Variants in RAB8A observed in about 807,000 individuals in gnomAD.
RAB8A encodes the protein RAB8A, member RAS oncogene family, also known as ras-related protein Rab-8A.
In RAB8A, 5 loss-of-function variants were observed where a neutral mutation model predicts 29.2. That is an observed-to-expected ratio of 0.17 (90% CI 0.09 to 0.36). The LOEUF (loss-of-function observed/expected upper bound fraction) is 0.36, where lower values mean the gene tolerates loss of function less well. Ranked by LOEUF, RAB8A falls within the 10% of genes least tolerant of loss-of-function variation. The pLI, the probability that RAB8A is intolerant of heterozygous loss-of-function variation, is 1.00. For missense variants in RAB8A, 171 were observed against 272.2 expected (o/e 0.63, Z 2.62); for synonymous variants, 108 against 99.9 (o/e 1.08, Z -0.49).
In RAB8A at chr19:16,134,121, GA is replaced by G; in HGVS notation, c.*1821del. On this transcript the variant is annotated 3_prime_UTR_variant, in exon 8 of 8. Coordinates refer to ENST00000300935, the MANE Select transcript of RAB8A (RefSeq NM_005370.5). ...AAGATCACAGCAAAATCAGCAAAGG[GA>G]AAAGGCATGCAGAGTGAAGTCCAGA... 2 of 152,522 alleles carry G rather than the reference GA, an allele frequency of 1.3e-5. No homozygotes were observed. Among genetic ancestry groups the G allele is most frequent in the Non-Finnish European group, 2.9e-5 (2 of 68,180 alleles). 9.4% of individuals were successfully genotyped at this position (152,522 alleles called of 1,614,324 possible).
intron 2 of RAB8A, 33 bp downstream of exon 2, chr19:16,118,319 C>T (rs1352965365): frequency 3.1e-6 from 5 of 1,590,606 alleles, no homozygotes; most frequent in South Asian, 2.2e-5. Flanking sequence ...ATTCTCTCCA[C>T]CTGGCAATGG....
Position 16,127,869 on chromosome 19 carries a change from T to C in RAB8A, c.415-157T>C. 1.3e-6 allele frequency: 1 copy of C among 746,186 alleles called. No individual in the cohort carries two copies. Among genetic ancestry groups the C allele is most frequent in the Non-Finnish European group, 2.3e-6 (1 of 430,792 alleles). The allele number at this position is 746,186 out of a possible 1,614,324, so 46.2% of individuals were successfully genotyped here. On this transcript the variant is annotated intron_variant, in intron 5 of 7. Coordinates refer to ENST00000300935, the MANE Select transcript of RAB8A (RefSeq NM_005370.5). The surrounding 1 kb of genome is among the most constrained non-coding windows in gnomAD (Gnocchi z 4.8). ...TGAGGCCCTGTGGAGGGGCATTCAC[T>C]ATAGAATTGAGGGAGTGATCCAGGA...
intron 1 of RAB8A, among the ~76,000 whole-genome samples, chr19:16,117,069 A>G (rs1336703043): frequency 6.6e-6 from 1 of 152,164 alleles, no homozygotes; most frequent in Non-Finnish European, 1.5e-5. Context: ...TCCTGTCTTC[A>G]AGGTTCATCC....
At chr19:16,116,289 G>C (rs541349027) in intron 1 of RAB8A, among the ~76,000 whole-genome samples, 2 of 152,308 alleles carry the variant, frequency 1.3e-5, no homozygotes, top group East Asian at 3.9e-4. Flanking sequence ...GAGCCAGAGT[G>C]CTGAGAGGTG....
chr19:16,132,436 C>T lies in RAB8A; in HGVS notation c.*132C>T. On this transcript the variant is annotated 3_prime_UTR_variant, in exon 8 of 8. Coordinates refer to ENST00000300935, the MANE Select transcript of RAB8A (RefSeq NM_005370.5). This position sits in a 1 kb window ranked among gnomAD's most constrained non-coding sequence, Gnocchi z 5.6. ...CCGCGGCCACCGGGCCCACGGCCAC[C>T]AGAATGCAATTGAGAAATCGTTTAT... The T allele has an allele frequency of 1.4e-6, 1 of 733,156 alleles. No individual in the cohort carries two copies. The highest frequency in any genetic ancestry group is 2.3e-6 in the Non-Finnish European group (1 of 443,090). 45.4% of individuals were successfully genotyped at this position (733,156 alleles called of 1,614,324 possible). A position where few individuals can be genotyped will look rare whatever the true frequency, so the allele number is the denominator to read the frequency against.
Position 16,132,085 on chromosome 19 carries a change from G to T in RAB8A, c.532-127G>T, listed in dbSNP as rs533221497. On this transcript the variant is annotated intron_variant, in intron 7 of 7. Transcript: ENST00000300935. This position sits in a 1 kb window ranked among gnomAD's most constrained non-coding sequence, Gnocchi z 5.6. Reference sequence around the variant, plus strand: ...TTTGATTGGTTTGGTTGTTTGGTTGGTTGGTTGGTTGGTTGGTTGGATGGT... The same window carrying T: ...TTTGATTGGTTTGGTTGTTTGGTTGTTTGGTTGGTTGGTTGGTTGGATGGT... The T allele has an allele frequency of 2.7e-6, 2 of 739,558 alleles. No individual in the cohort carries two copies. The highest frequency in any genetic ancestry group is 1.7e-5 in the South Asian group (1 of 59,698). The allele number at this position is 739,558 out of a possible 1,614,324, so 45.8% of individuals were successfully genotyped here.
chr19:16,118,343 G>T (rs563291460), intron 2 of RAB8A, 57 bp downstream of exon 2: 1 of 1,521,760 alleles, frequency 6.6e-7, no homozygotes, highest in East Asian at 2.3e-5. Flanking sequence ...CAAGCCAGAA[G>T]CCCTTGGCCT....
chr19:16,113,312 C>G (rs1438758092), intron 1 of RAB8A, among the ~76,000 whole-genome samples: 1 of 152,234 alleles, frequency 6.6e-6, no homozygotes, highest in East Asian at 1.9e-4. Flanking sequence ...TACTGTGTCA[C>G]TTTGACAGAA....
At chr19:16,120,459 C>A (rs1432185806) in intron 2 of RAB8A, among the ~76,000 whole-genome samples, 2 of 151,684 alleles carry the variant, frequency 1.3e-5, no homozygotes, top group East Asian at 3.9e-4. Flanking sequence ...ATTACAGGCA[C>A]CTGCCACCAT....
chr19:16,128,220 GT>G, intron 6 of RAB8A, 129 bp downstream of exon 6: 1 of 949,458 alleles, frequency 1.1e-6, no homozygotes, highest in Non-Finnish European at 1.6e-6. Flanking sequence ...CTGCCAGTCA[GT>G]CCTCTGAGGG....
At chr19:16,112,790 C>T (rs1177136707) in intron 1 of RAB8A, 3 of 152,246 alleles carry the variant, frequency 2.0e-5, no homozygotes, top group Non-Finnish European at 4.4e-5. Context: ...CCATGCTTCC[C>T]CTCATAAGCG....
chr19:16,127,485 G>A lies in RAB8A; in HGVS notation c.373G>A (p.Val125Met). The change falls in exon 5 of 8, where the codon GTG becomes ATG. Residue 125 changes from valine (V) to methionine (M), a missense_variant. This residue lies in a region of RAB8A where 145 missense variants were observed against 212.8 expected (regional missense o/e 0.68). Transcript: ENST00000300935. This position sits in a 1 kb window ranked among gnomAD's most constrained non-coding sequence, Gnocchi z 4.8. ...EKMILGNKCDVNDKRQVSKER... is the reference protein window; with the variant it reads ...EKMILGNKCDMNDKRQVSKER... ...GATGATACTCGGGAACAAGTGTGAT[G>A]TGAATGACAAGAGACAAGTTTCCAA... is the stretch of plus-strand genomic sequence containing the variant. 1 of 1,540,290 alleles carries A rather than the reference G, an allele frequency of 6.5e-7. No individual in the cohort carries two copies. Among genetic ancestry groups the A allele is most frequent in the Non-Finnish European group, 8.7e-7 (1 of 1,148,100 alleles).
chr19:16,116,575 G>A (rs1182298545), intron 1 of RAB8A, among the ~76,000 whole-genome samples: 1 of 152,148 alleles, frequency 6.6e-6, no homozygotes, highest in Admixed American at 6.6e-5. Context: ...AGTGGCTCAC[G>A]CCTGTAATCC....
Position 16,125,124 on chromosome 19 carries a change from G to A in RAB8A, c.247-346G>A, listed in dbSNP as rs2090893292. The A allele has an allele frequency of 2.5e-6, 1 of 403,760 alleles. No individual in the cohort carries two copies. Among genetic ancestry groups the A allele is most frequent in the African/African-American group, 2.0e-5 (1 of 49,584 alleles). The allele number at this position is 403,760 out of a possible 1,614,324, so 25.0% of individuals were successfully genotyped here. On this transcript the variant is annotated intron_variant, in intron 3 of 7. Transcript: ENST00000300935. The surrounding 1 kb of genome is among the most constrained non-coding windows in gnomAD (Gnocchi z 5.0). ...GAGTGCTGCTGGCAGTGGGCCTGTGGACCGGCTCCCACCGTCAGGCTGCAC... is the reference window on the plus strand; with the variant it reads ...GAGTGCTGCTGGCAGTGGGCCTGTGAACCGGCTCCCACCGTCAGGCTGCAC...
At chr19:16,128,808 T>C (rs943508730) in intron 6 of RAB8A, among the ~76,000 whole-genome samples, 3 of 152,180 alleles carry the variant, frequency 2.0e-5, no homozygotes, top group African/African-American at 7.2e-5. Flanking sequence ...GGTTCCCTTT[T>C]CTAGTCAGGG....
Position 16,132,403 on chromosome 19 carries a change from C to A in RAB8A, c.*99C>A. The A allele has an allele frequency of 8.4e-7, 1 of 1,183,480 alleles. No homozygotes were observed. The allele number at this position is 1,183,480 out of a possible 1,614,324, so 73.3% of individuals were successfully genotyped here. On this transcript the variant is annotated 3_prime_UTR_variant, in exon 8 of 8. Coordinates refer to ENST00000300935, the MANE Select transcript of RAB8A (RefSeq NM_005370.5). This position sits in a 1 kb window ranked among gnomAD's most constrained non-coding sequence, Gnocchi z 5.6. Reference sequence around the variant, plus strand: ...CGGGGCCCTCCCACCTCCAACGCCCCGCCCACGCCGCGGCCACCGGGCCCA... The same window carrying A: ...CGGGGCCCTCCCACCTCCAACGCCCAGCCCACGCCGCGGCCACCGGGCCCA...
At chr19:16,121,109 G>T (rs1312756225) in intron 2 of RAB8A, among the ~76,000 whole-genome samples, 2 of 150,934 alleles carry the variant, frequency 1.3e-5, no homozygotes, top group African/African-American at 4.9e-5. Context: ...TAGGGACGGG[G>T]TTTCACCAAG....
chr19:16,132,222 G>A lies in RAB8A; in HGVS notation c.542G>A (p.Ser181Asn), dbSNP rs772560627. The A allele has an allele frequency of 3.7e-6, 6 of 1,613,704 alleles. No homozygotes were observed. The South Asian group carries it at 5.5e-5, about 15-fold the overall frequency. Residue 181 changes from serine to asparagine, a missense_variant, in exon 8 of 8, where the codon AGC becomes AAC. Physicochemically the swap from Ser to Asn is conservative, Grantham distance 46. This residue lies in a region of RAB8A where 145 missense variants were observed against 212.8 expected (regional missense o/e 0.68). Coordinates refer to ENST00000300935, the MANE Select transcript of RAB8A (RefSeq NM_005370.5). This position sits in a 1 kb window ranked among gnomAD's most constrained non-coding sequence, Gnocchi z 5.6. ...CTCTTGTGATTTCAGGAAGGCAACA[G>A]CCCCCAGGGGAGCAACCAGGGAGTC... is the stretch of plus-strand genomic sequence containing the variant. The part of the protein sequence containing the change: ...AKMDKKLEGN[S>N]PQGSNQGVKI...
chr19:16,130,054 G>A (rs1214195762), intron 7 of RAB8A, among the ~76,000 whole-genome samples: 2 of 152,094 alleles, frequency 1.3e-5, no homozygotes, highest in African/African-American at 4.8e-5. Flanking sequence ...GCTACAAGTT[G>A]TGACAGCTCT....
Sources: gnomAD v4.1 joint callset for allele counts (sites outside exome capture counted in the v4.1 genomes callset) on GRCh38, gnomAD v4.1.1 for gene constraint, gnomAD v4.1.1 regional missense constraint, Gnocchi (gnomAD v3.1) non-coding constraint, MANE v1.5 for transcripts, NCBI Gene and HGNC (gene_info 2026-07-23, HGNC 2026-07-21) for gene names.